The following LRMDA variants were observed in gnomAD, a reference collection of about 807,000 sequenced individuals.
LRMDA encodes the protein leucine-rich melanocyte differentiation-associated protein.
A neutral mutation model predicts 29.8 loss-of-function variants in LRMDA; 18 were observed. The observed-to-expected ratio is 0.60, with a 90% CI of 0.42 to 0.90. The LOEUF is 0.90. Ranked by LOEUF, LRMDA falls within the 40% of genes least tolerant of loss-of-function variation. LRMDA has a pLI of 0.00. For missense variants in LRMDA, 273 were observed against 273.9 expected (o/e 1.00, Z 0.02); for synonymous variants, 125 against 109.4 (o/e 1.14, Z -0.89).
chr10:76,333,315 G>C (rs1840926639), intron 6 of LRMDA, among the ~76,000 whole-genome samples: 1 of 152,150 alleles, frequency 6.6e-6, no homozygotes, highest in East Asian at 1.9e-4. Context: ...GCAGTATCCA[G>C]GGGTAATTGG....
chr10:75,559,814 G>C lies in LRMDA; in HGVS notation c.131+121320G>C, dbSNP rs12411501. Among the ~76,000 whole-genome samples the C allele has an allele frequency of 8.6e-3, 533 of 61,702 alleles. 6 individuals carry two copies. Among genetic ancestry groups the C allele is most frequent in the Middle Eastern group, 0.035 (3 of 86 alleles). The allele number at this position is 61,702 out of a possible 152,430, so 40.5% of individuals were successfully genotyped here. A position where few individuals can be genotyped will look rare whatever the true frequency, so the allele number is the denominator to read the frequency against. ...AATCGTTTCCCCATTTCTTGTTTTT[G>C]TCAGGTTTGTCAAAGATCACATGGT... On this transcript the variant is annotated intron_variant, in intron 2 of 6. Coordinates refer to ENST00000611255, the MANE Select transcript of LRMDA (RefSeq NM_001305581.2).
chr10:75,590,978 G>A (rs1306156554), intron 2 of LRMDA, among the ~76,000 whole-genome samples: 1 of 151,972 alleles, frequency 6.6e-6, no homozygotes, highest in African/African-American at 2.4e-5. Flanking sequence ...TCTTGACCAT[G>A]TGATCTGCCC....
At chr10:76,450,065 C>T (rs988093722) in intron 6 of LRMDA, among the ~76,000 whole-genome samples, 7 of 151,944 alleles carry the variant, frequency 4.6e-5, no homozygotes, top group Non-Finnish European at 1.0e-4. Context: ...GTCTTGAGTT[C>T]TTGATTTCTC....
In LRMDA at chr10:75,672,548, CCCCTCCCCTCCCCTCCCCTTCCCTT is replaced by C. The variant is rs1564536312; in HGVS notation, c.131+234059_131+234083del. ...TTCCTCCCCTCCCCTCCCCTCCCCT[CCCCTCCCCTCCCCTCCCCTTCCCTT>C]CCCTTCCCTTCCCTGCTTTTTTTTT... is the stretch of plus-strand genomic sequence containing the variant. On this transcript the variant is annotated intron_variant, in intron 2 of 6. Transcript: ENST00000611255. Among the ~76,000 whole-genome samples, 63 of 11,352 alleles carry C rather than the reference CCCCTCCCCTCCCCTCCCCTTCCCTT, an allele frequency of 5.5e-3. 4 individuals carry two copies. The highest frequency in any genetic ancestry group is 0.033 in the South Asian group (3 of 90). 7.4% of individuals were successfully genotyped at this position (11,352 alleles called of 152,430 possible).
intron 5 of LRMDA, among the ~76,000 whole-genome samples, chr10:76,265,189 G>A (rs553695441): frequency 2.0e-5 from 3 of 152,340 alleles, no homozygotes; most frequent in Middle Eastern, 3.4e-3. Flanking sequence ...GTCCGTTTAT[G>A]TCTTTCCTCC....
intron 2 of LRMDA, among the ~76,000 whole-genome samples, chr10:75,900,412 A>T (rs1845651234): frequency 6.6e-6 from 1 of 152,182 alleles, no homozygotes; most frequent in Admixed American, 6.5e-5. Flanking sequence ...CAAAATTTTT[A>T]AAAAGGAGGT....
At chr10:75,636,401 A>G (rs1841390658) in intron 2 of LRMDA, among the ~76,000 whole-genome samples, 1 of 152,214 alleles carries the variant, frequency 6.6e-6, no homozygotes, top group Admixed American at 6.5e-5. Context: ...TTCCAATGCC[A>G]AACAATAGTG....
At position 76,372,791 on chromosome 10, in the gene LRMDA, G is replaced by C. The variant is rs534842199; in HGVS notation, c.601+48306G>C. ...TTGCAGGTCCTGCTGGGGTGATACA[G>C]TACCTCATCTTGCAATATGGGACCA... On this transcript the variant is annotated intron_variant, in intron 6 of 6. Transcript: ENST00000611255. Among the ~76,000 whole-genome samples, 12 of 152,134 alleles carry C rather than the reference G, an allele frequency of 7.9e-5. No individual in the cohort carries two copies. The South Asian group carries it at 1.2e-3, about 16-fold the overall frequency.
chr10:75,928,906 CA>C (rs1346323184), intron 2 of LRMDA, among the ~76,000 whole-genome samples: 3 of 152,162 alleles, frequency 2.0e-5, no homozygotes, highest in African/African-American at 7.2e-5. Context: ...CAGACAGGTG[CA>C]ACACTGCCTG....
At chr10:75,721,808 TGTA>T (rs1486806611) in intron 2 of LRMDA, among the ~76,000 whole-genome samples, 3 of 152,230 alleles carry the variant, frequency 2.0e-5, no homozygotes, top group Non-Finnish European at 4.4e-5. Flanking sequence ...TAAGTTTTAT[TGTA>T]GTAATAAAGA....
intron 5 of LRMDA, among the ~76,000 whole-genome samples, chr10:76,258,937 A>G (rs1447722502): frequency 1.3e-5 from 2 of 152,228 alleles, no homozygotes; most frequent in African/African-American, 4.8e-5. Flanking sequence ...GGGAGTGCAG[A>G]TGTCTTTTTG....
At position 75,552,543 on chromosome 10, in the gene LRMDA, G is replaced by A. The variant is rs558747083; in HGVS notation, c.131+114049G>A. Reference sequence around the variant, plus strand: ...AAACTACTGAAAATCAAAGATACAAGTGCCTGACCACTTCTACCCCTCATC... The same window carrying A: ...AAACTACTGAAAATCAAAGATACAAATGCCTGACCACTTCTACCCCTCATC... On this transcript the variant is annotated intron_variant, in intron 2 of 6. Transcript: ENST00000611255. The A allele has an allele frequency of 2.1e-5, 10 of 486,924 alleles. No homozygotes were observed. In the East Asian group the frequency reaches 5.5e-4, roughly 27 times the overall value. 30.2% of individuals were successfully genotyped at this position (486,924 alleles called of 1,614,324 possible). A position where few individuals can be genotyped will look rare whatever the true frequency, so the allele number is the denominator to read the frequency against.
intron 6 of LRMDA, among the ~76,000 whole-genome samples, chr10:76,334,581 AT>A (rs1446495374): frequency 6.6e-6 from 1 of 152,056 alleles, no homozygotes; most frequent in African/African-American, 2.4e-5. Flanking sequence ...AGCCATTAAT[AT>A]TTACAGCAGT....
chr10:76,442,372 GT>G (rs1842312758), intron 6 of LRMDA, among the ~76,000 whole-genome samples: 1 of 152,130 alleles, frequency 6.6e-6, no homozygotes, highest in Non-Finnish European at 1.5e-5. Flanking sequence ...AGAGGTTTAG[GT>G]TCTTAGCTTA....
chr10:76,005,657 G>A (rs930121991), intron 2 of LRMDA, among the ~76,000 whole-genome samples: 10 of 151,926 alleles, frequency 6.6e-5, no homozygotes, highest in East Asian at 1.9e-4. Context: ...TGGGCCAGGC[G>A]CGGTGGCTCA....
At chr10:76,528,330 T>C (rs1266542311) in intron 6 of LRMDA, among the ~76,000 whole-genome samples, 1 of 152,126 alleles carries the variant, frequency 6.6e-6, no homozygotes, top group African/African-American at 2.4e-5. Flanking sequence ...TATATAGTAT[T>C]CAAGTGATGG....
intron 5 of LRMDA, among the ~76,000 whole-genome samples, chr10:76,068,686 T>C (rs564239753): frequency 3.9e-5 from 6 of 152,268 alleles, no homozygotes; most frequent in African/African-American, 1.2e-4. Flanking sequence ...AGCCCCGGGA[T>C]TGGTGTTGGA....
intron 6 of LRMDA, among the ~76,000 whole-genome samples, chr10:76,504,503 G>A (rs1047005500): frequency 6.6e-5 from 10 of 151,956 alleles, no homozygotes; most frequent in African/African-American, 2.4e-4. Flanking sequence ...CCAATGTTGG[G>A]TACATATATG....
At chr10:75,495,421 C>T (rs1249244609) in intron 2 of LRMDA, among the ~76,000 whole-genome samples, 1 of 151,892 alleles carries the variant, frequency 6.6e-6, no homozygotes, top group East Asian at 1.9e-4. Flanking sequence ...ATGGAGGGGA[C>T]CATTTTTTGA....
Sources: allele counts gnomAD v4.1 joint callset (sites outside exome capture counted in the v4.1 genomes callset), GRCh38; gene constraint gnomAD v4.1.1; transcripts MANE v1.5; gene names NCBI Gene and HGNC (gene_info 2026-07-23, HGNC 2026-07-21).